KIF13A: variants seen among roughly 807,000 people sequenced by gnomAD.
KIF13A encodes kinesin-like protein KIF13A.
In KIF13A, 79 loss-of-function variants were observed where a neutral mutation model predicts 212.2. That is an observed-to-expected ratio of 0.37 (90% CI 0.31 to 0.45). The LOEUF is 0.45. Ranked by LOEUF, KIF13A falls within the 20% of genes least tolerant of loss-of-function variation. KIF13A has a pLI of 1.00. For missense variants in KIF13A, 1,901 were observed against 2,209.0 expected (o/e 0.86, Z 2.79); for synonymous variants, 789 against 808.6 (o/e 0.98, Z 0.41).
intron 6 of KIF13A, among the ~76,000 whole-genome samples, chr6:17,853,653 A>G (rs1373110026): frequency 6.6e-6 from 1 of 152,240 alleles, no homozygotes; most frequent in Non-Finnish European, 1.5e-5. Flanking sequence ...AGACAACAGT[A>G]AAAATGTATT....
At position 17,780,736 on chromosome 6, in the gene KIF13A, G is replaced by A. The variant is rs536709820; in HGVS notation, c.3840C>T (p.Asn1280=). 2 of 1,613,798 alleles carry A rather than the reference G, an allele frequency of 1.2e-6. No homozygotes were observed. Among genetic ancestry groups the A allele is most frequent in the Admixed American group, 1.7e-5 (1 of 60,024 alleles). ...LRKRIAANIY[N]KQSFTQSLKR... is the part of the protein sequence containing the mutation. ...AATCAGGCCCCGTTATTACCTGTTT[G>A]TTGTAAATATTGGCTGCAATTCGTT... is the stretch of plus-strand genomic sequence containing the variant. Residue 1280 remains asparagine, a synonymous_variant, in exon 31 of 39, where the codon AAC becomes AAT. Coordinates refer to ENST00000259711, the MANE Select transcript of KIF13A (RefSeq NM_022113.6).
rs1329778211 is a variant in KIF13A, at chr6:17,947,807, C to CTCCAA, written c.146+39246_146+39247insTTGGA. The stretch of plus-strand genomic sequence containing the variant: ...AGTGAGCCGAGATTGCGCCATTGCG[C>CTCCAA]TCCAGCCTGTGTGACAAGAGCAAAA... On this transcript the variant is annotated intron_variant, in intron 2 of 38. Coordinates refer to ENST00000259711, the MANE Select transcript of KIF13A (RefSeq NM_022113.6). The surrounding 1 kb of genome is among the most constrained non-coding windows in gnomAD (Gnocchi z 4.6). Among the ~76,000 whole-genome samples the CTCCAA allele has an allele frequency of 6.6e-6, 1 of 151,956 alleles. No homozygotes were observed. The highest frequency in any genetic ancestry group is 1.5e-5 in the Non-Finnish European group (1 of 67,998).
chr6:17,779,742 A>ATTTTTTT (rs377678460), intron 31 of KIF13A, 58 bp from the exon 32 acceptor site: 3 of 461,932 alleles, frequency 6.5e-6, no homozygotes, highest in Non-Finnish European at 1.1e-5. Context: ...GTTATTTTGT[A>ATTTTTTT]TTTTTTTTTT....
In KIF13A at chr6:17,826,245, A is replaced by C; in HGVS notation, c.1533-121T>G. ...TAAATGCATTCCAACTAACGCTTAA[A>C]GAAGGAAGAGCAGAATGTGTAACCA... On this transcript the variant is annotated intron_variant, in intron 14 of 38. Coordinates refer to ENST00000259711, the MANE Select transcript of KIF13A (RefSeq NM_022113.6). This position sits in a 1 kb window ranked among gnomAD's most constrained non-coding sequence, Gnocchi z 4.7. 1.4e-6 allele frequency: 1 copy of C among 701,888 alleles called. No homozygotes were observed. The allele number at this position is 701,888 out of a possible 1,614,324, so 43.5% of individuals were successfully genotyped here.
At chr6:17,908,691 G>A (rs1773755287) in intron 2 of KIF13A, among the ~76,000 whole-genome samples, 1 of 149,488 alleles carries the variant, frequency 6.7e-6, no homozygotes, top group Non-Finnish European at 1.5e-5. Context: ...AAAAAACCCT[G>A]TTTCTTTTTA....
chr6:17,951,321 G>A lies in KIF13A; in HGVS notation c.146+35733C>T, dbSNP rs779598713. The A allele has an allele frequency of 4.1e-4, 255 of 619,180 alleles. 2 individuals carry two copies. The highest frequency in any genetic ancestry group is 2.9e-3 in the Middle Eastern group (8 of 2,714). 38.4% of individuals were successfully genotyped at this position (619,180 alleles called of 1,614,324 possible). A position where few individuals can be genotyped will look rare whatever the true frequency, so the allele number is the denominator to read the frequency against. On this transcript the variant is annotated intron_variant, in intron 2 of 38. Coordinates refer to ENST00000259711, the MANE Select transcript of KIF13A (RefSeq NM_022113.6). The surrounding 1 kb of genome is among the most constrained non-coding windows in gnomAD (Gnocchi z 4.9). ...TTTAAACAAATTTTTTGTAGAGATG[G>A]GGTTTTGCCATGTTGCAAAGGCTGG...
chr6:17,921,361 G>C (rs1435400313), intron 2 of KIF13A, among the ~76,000 whole-genome samples: 2 of 152,164 alleles, frequency 1.3e-5, no homozygotes, highest in African/African-American at 4.8e-5. Context: ...CAAATCTCAA[G>C]TAACAATAAC....
chr6:17,806,644 C>G (rs571299973), intron 18 of KIF13A, among the ~76,000 whole-genome samples: 10 of 152,218 alleles, frequency 6.6e-5, no homozygotes, highest in African/African-American at 2.4e-4. Flanking sequence ...CTTTGGGAGG[C>G]CAAGGTGGGT....
intron 16 of KIF13A, among the ~76,000 whole-genome samples, chr6:17,824,674 C>T (rs954727618): frequency 1.6e-4 from 23 of 143,792 alleles, no homozygotes; most frequent in Admixed American, 1.2e-3. Context: ...GGCAGGAGAA[C>T]GGCGTGAACC....
chr6:17,847,554 A>C (rs1481108653), intron 9 of KIF13A, among the ~76,000 whole-genome samples: 1 of 152,222 alleles, frequency 6.6e-6, no homozygotes, highest in Non-Finnish European at 1.5e-5. Context: ...CTGTGCAAAC[A>C]TGTTCCTGAA....
At chr6:17,942,213 G>C (rs1233590447) in intron 2 of KIF13A, among the ~76,000 whole-genome samples, 1 of 151,676 alleles carries the variant, frequency 6.6e-6, no homozygotes, top group African/African-American at 2.4e-5. Flanking sequence ...GAGGTAGGAG[G>C]ATTACTTGAG....
At chr6:17,884,509 T>G (rs1771364198) in intron 3 of KIF13A, among the ~76,000 whole-genome samples, 1 of 151,976 alleles carries the variant, frequency 6.6e-6, no homozygotes, top group South Asian at 2.1e-4. Flanking sequence ...AGATGGGTAC[T>G]CAGTATTTGC....
chr6:17,806,917 C>T (rs375060347), intron 18 of KIF13A, among the ~76,000 whole-genome samples: 14 of 152,172 alleles, frequency 9.2e-5, no homozygotes, highest in Admixed American at 3.3e-4. Context: ...GGACCCCAAA[C>T]GGAGGGACCG....
In KIF13A at chr6:17,898,020, G is replaced by T; in HGVS notation, c.159+148C>A. ...GACACTCTAACTTTATGTTAACACT[G>T]ATATTAATTGTTCATGATGTGAGTT... On this transcript the variant is annotated intron_variant, in intron 3 of 38. Transcript: ENST00000259711. This position sits in a 1 kb window ranked among gnomAD's most constrained non-coding sequence, Gnocchi z 5.2. 1 of 632,868 alleles carries T rather than the reference G, an allele frequency of 1.6e-6. No homozygotes were observed. The highest frequency in any genetic ancestry group is 2.7e-6 in the Non-Finnish European group (1 of 371,132). The allele number at this position is 632,868 out of a possible 1,614,324, so 39.2% of individuals were successfully genotyped here. A position where few individuals can be genotyped will look rare whatever the true frequency, so the allele number is the denominator to read the frequency against.
At chr6:17,949,365 A>G (rs1021960626) in intron 2 of KIF13A, among the ~76,000 whole-genome samples, 3 of 152,218 alleles carry the variant, frequency 2.0e-5, no homozygotes, top group African/African-American at 7.2e-5. Flanking sequence ...CCCTCCTGCT[A>G]TGAATTAAAG....
rs752833874 is a variant in KIF13A at position 17,763,903 on chromosome 6, G to T, written c.*207C>A. ...CACTTCATTCAACACCAACCCATGT[G>T]CCAGGTAAAAAAATCCACTGGTCTT... On this transcript the variant is annotated 3_prime_UTR_variant, in exon 39 of 39. Coordinates refer to ENST00000259711, the MANE Select transcript of KIF13A (RefSeq NM_022113.6). The T allele has an allele frequency of 2.9e-5, 41 of 1,417,766 alleles. No homozygotes were observed. The highest frequency in any genetic ancestry group is 3.5e-5 in the Non-Finnish European group (38 of 1,090,280). The allele number at this position is 1,417,766 out of a possible 1,614,324, so 87.8% of individuals were successfully genotyped here. A position where few individuals can be genotyped will look rare whatever the true frequency, so the allele number is the denominator to read the frequency against.
rs1766350933 is a variant in KIF13A, at chr6:17,839,946, C to T, written c.831-2363G>A. 6.6e-6 allele frequency among the ~76,000 whole-genome samples: 1 copy of T among 152,210 alleles called. No individual in the cohort carries two copies. Among genetic ancestry groups the T allele is most frequent in the Admixed American group, 6.6e-5 (1 of 15,264 alleles). ...AATAAATTTCTGTTGTTTTAAGCTACTCAGTTTGTGGTAATCTGTTACAGT... is the reference window on the plus strand; with the variant it reads ...AATAAATTTCTGTTGTTTTAAGCTATTCAGTTTGTGGTAATCTGTTACAGT... On this transcript the variant is annotated intron_variant, in intron 9 of 38. Coordinates refer to ENST00000259711, the MANE Select transcript of KIF13A (RefSeq NM_022113.6). This position sits in a 1 kb window ranked among gnomAD's most constrained non-coding sequence, Gnocchi z 4.3.
At chr6:17,910,837 A>G (rs770012925) in intron 2 of KIF13A, among the ~76,000 whole-genome samples, 140 of 152,312 alleles carry the variant, frequency 9.2e-4, no homozygotes, top group Middle Eastern at 3.4e-3. Flanking sequence ...ATCTCAGCTC[A>G]CTGCAAGCTC....
chr6:17,948,990 CTT>C (rs1292206426), intron 2 of KIF13A, among the ~76,000 whole-genome samples: 1 of 152,258 alleles, frequency 6.6e-6, no homozygotes, highest in East Asian at 1.9e-4. Context: ...AATAAACAGT[CTT>C]TTGCCTTTCT....
Sources: allele counts gnomAD v4.1 joint callset (sites outside exome capture counted in the v4.1 genomes callset), GRCh38; gene constraint gnomAD v4.1.1; non-coding constraint Gnocchi (gnomAD v3.1); transcripts MANE v1.5; gene names NCBI Gene and HGNC (gene_info 2026-07-23, HGNC 2026-07-21).